DRC2: variants seen among roughly 807,000 people sequenced by gnomAD.
DRC2 encodes the protein coiled-coil domain containing 65.
chr12:48,918,482 G>A, the DRC2 span: 6 of 1,612,534 alleles, frequency 3.7e-6, no homozygotes, highest in South Asian at 2.2e-5. Flanking sequence ...GGTTAGTGTA[G>A]CCACCTGGAA....
At chr12:48,918,362 T>G in the DRC2 span, 2 of 1,614,148 alleles carry the variant, frequency 1.2e-6, no homozygotes, top group Non-Finnish European at 1.7e-6. Context: ...ACTCAAGAAT[T>G]ACACTGATGC....
chr12:48,920,448 A>T, the DRC2 span, among the ~76,000 whole-genome samples: 3 of 134,646 alleles, frequency 2.2e-5, no homozygotes, highest in African/African-American at 7.6e-5. Flanking sequence ...TCTTAAAAAA[A>T]AAAAAAAAAA....
the DRC2 span, among the ~76,000 whole-genome samples, chr12:48,916,311 T>C: frequency 6.6e-6 from 1 of 152,156 alleles, no homozygotes; most frequent in African/African-American, 2.4e-5. Flanking sequence ...CTGGGCGCCA[T>C]TGAGCACTGA....
the DRC2 span, chr12:48,904,574 T>C: frequency 1.4e-6 from 2 of 1,438,810 alleles, no homozygotes; most frequent in South Asian, 2.7e-5. Context: ...CCTCCGGAAA[T>C]CCTGAGACCC....
chr12:48,905,312 G>C, the DRC2 span, among the ~76,000 whole-genome samples: 1 of 152,142 alleles, frequency 6.6e-6, no homozygotes, highest in African/African-American at 2.4e-5. Flanking sequence ...CACTCTTCTT[G>C]TCATCTATTG....
the DRC2 span, chr12:48,921,170 G>A: frequency 6.2e-7 from 1 of 1,613,722 alleles, no homozygotes; most frequent in Non-Finnish European, 8.5e-7. Context: ...ACTCCCAGGT[G>A]ATGGTGGACT....
At chr12:48,917,943 T>C in the DRC2 span, among the ~76,000 whole-genome samples, 1 of 152,190 alleles carries the variant, frequency 6.6e-6, no homozygotes, top group South Asian at 2.1e-4. Flanking sequence ...AATTGGAGAT[T>C]TCACAAAAAC....
At chr12:48,909,540 C>T in the DRC2 span, among the ~76,000 whole-genome samples, 8 of 152,046 alleles carry the variant, frequency 5.3e-5, no homozygotes, top group African/African-American at 1.9e-4. Flanking sequence ...TGCAGTGGAG[C>T]GATCTTGGCT....
chr12:48,917,275 TCC>T, the DRC2 span, among the ~76,000 whole-genome samples: 2 of 127,102 alleles, frequency 1.6e-5, 1 homozygote, highest in East Asian at 5.0e-4. Context: ...ACATAGGGAG[TCC>T]CCCCCATCTC....
the DRC2 span, among the ~76,000 whole-genome samples, chr12:48,920,486 GT>G: frequency 1.8e-4 from 20 of 111,228 alleles, no homozygotes; most frequent in South Asian, 6.0e-4. Flanking sequence ...GAATGAGTTT[GT>G]TTTTTTTTTA....
At chr12:48,905,274 CT>C in the DRC2 span, among the ~76,000 whole-genome samples, 1 of 152,190 alleles carries the variant, frequency 6.6e-6, no homozygotes, top group African/African-American at 2.4e-5. Context: ...GAATATTGGG[CT>C]TTCATCCCTC....
the DRC2 span, among the ~76,000 whole-genome samples, chr12:48,910,473 G>T: frequency 2.6e-5 from 4 of 152,138 alleles, no homozygotes; most frequent in Non-Finnish European, 4.4e-5. Context: ...GGTCATGGTA[G>T]TTTACAGTGA....
At chr12:48,905,053 C>T in the DRC2 span, 2 of 1,613,846 alleles carry the variant, frequency 1.2e-6, no homozygotes, top group East Asian at 2.2e-5. Flanking sequence ...TTCATAAGGA[C>T]ATTGAGATCC....
chr12:48,904,947 ACAAGCTGGC>A, the DRC2 span: 1 of 1,597,250 alleles, frequency 6.3e-7, no homozygotes. Flanking sequence ...TTCACACAGG[ACAAGCTGGC>A]CAAGGAGGAA....
chr12:48,906,386 C>T, the DRC2 span, among the ~76,000 whole-genome samples: 1 of 151,864 alleles, frequency 6.6e-6, no homozygotes, highest in South Asian at 2.1e-4. Flanking sequence ...TCACTGCAAC[C>T]TCCGCCTCCC....
the DRC2 span, chr12:48,918,136 TC>T: frequency 2.8e-6 from 2 of 726,674 alleles, no homozygotes; most frequent in Non-Finnish European, 4.6e-6. Flanking sequence ...ATCTGCCTGG[TC>T]TTGTGTAGGC....
chr12:48,918,994 T>C, the DRC2 span: 1 of 916,084 alleles, frequency 1.1e-6, no homozygotes, highest in Non-Finnish European at 1.7e-6. Context: ...CGGGGGCTTC[T>C]TCCTGCTTCC....
At chr12:48,918,392 G>A in the DRC2 span, 2 of 1,614,100 alleles carry the variant, frequency 1.2e-6, no homozygotes, top group African/African-American at 2.7e-5. Context: ...TCGAAAGGCT[G>A]CCTTTGAGAC....
At chr12:48,918,436 G>T in the DRC2 span, 9 of 1,613,988 alleles carry the variant, frequency 5.6e-6, no homozygotes, top group Admixed American at 1.7e-5. Context: ...GCTCCAAAGA[G>T]ATTGAAGTAC....
Sources: gnomAD v4.1 joint callset for allele counts (sites outside exome capture counted in the v4.1 genomes callset) on GRCh38, gnomAD v4.1.1 for gene constraint, MANE v1.5 for transcripts, NCBI Gene and HGNC (gene_info 2026-07-23, HGNC 2026-07-21) for gene names.